DACH1: variants seen among roughly 807,000 people sequenced by gnomAD.
DACH1 encodes the protein dachshund homolog 1.
Under a neutral mutation model 54.2 loss-of-function variants are expected in DACH1, and 12 were observed. That is an observed-to-expected ratio of 0.22 (90% confidence interval 0.14 to 0.36). The LOEUF (loss-of-function observed/expected upper bound fraction) is 0.36, where lower values mean the gene tolerates loss of function less well. DACH1 is among the 10% of genes least tolerant of loss of function. The probability of loss-of-function intolerance (pLI) is 1.00; values close to 1 mark genes in which losing one functional copy is unlikely to be tolerated. For missense variants in DACH1, 805 were observed against 929.8 expected, an observed-to-expected ratio of 0.87 and a Z score of 1.75; for synonymous variants, 386 against 366.2, an observed-to-expected ratio of 1.05 and a Z score of -0.62.
At chr13:71,856,382 A>AGCAGACAT (rs1428349297) in intron 1 of DACH1, among the ~76,000 whole-genome samples, 4 of 151,982 alleles carry the variant, frequency 2.6e-5, no homozygotes, top group African/African-American at 9.7e-5. Flanking sequence ...ATCAGTGAAC[A>AGCAGACAT]GCAGACATAT....
chr13:71,473,750 C>T (rs759782991), intron 10 of DACH1, among the ~76,000 whole-genome samples: 4 of 152,084 alleles, frequency 2.6e-5, no homozygotes, highest in Non-Finnish European at 5.9e-5. Context: ...ATTTATATGT[C>T]ACACTTATCT....
intron 1 of DACH1, among the ~76,000 whole-genome samples, chr13:71,812,958 T>G (rs1887775185): frequency 6.6e-6 from 1 of 152,182 alleles, no homozygotes. Flanking sequence ...TTGCAAGATG[T>G]GAAAAGTCAT....
chr13:71,707,053 A>G (rs909539219), intron 1 of DACH1, among the ~76,000 whole-genome samples: 6 of 152,196 alleles, frequency 3.9e-5, no homozygotes, highest in Non-Finnish European at 7.3e-5. Context: ...AATTTAATAC[A>G]TTTAGTGAGT....
At chr13:71,612,188 C>T (rs1363697709) in intron 3 of DACH1, among the ~76,000 whole-genome samples, 1 of 152,018 alleles carries the variant, frequency 6.6e-6, no homozygotes, top group Non-Finnish European at 1.5e-5. Flanking sequence ...AATCTCAACG[C>T]TGTATATATA....
intron 6 of DACH1, among the ~76,000 whole-genome samples, chr13:71,524,405 A>C (rs111287089): frequency 0.013 from 1,945 of 152,274 alleles, 47 homozygotes; most frequent in African/African-American, 0.043. Flanking sequence ...AGAATGATTC[A>C]ATATATCAAC....
At chr13:71,636,552 T>A (rs908368030) in intron 2 of DACH1, among the ~76,000 whole-genome samples, 44 of 112,070 alleles carry the variant, frequency 3.9e-4, no homozygotes, top group Non-Finnish European at 3.6e-4. Flanking sequence ...AAAGTAAAAA[T>A]AATAATAATA....
At chr13:71,705,665 T>C (rs1393359448) in intron 1 of DACH1, among the ~76,000 whole-genome samples, 1 of 152,120 alleles carries the variant, frequency 6.6e-6, no homozygotes, top group Non-Finnish European at 1.5e-5. Flanking sequence ...AATCCTTCCA[T>C]AGCAAAAACT....
intron 1 of DACH1, among the ~76,000 whole-genome samples, chr13:71,731,081 A>C (rs1446794642): frequency 6.6e-6 from 1 of 152,110 alleles, no homozygotes; most frequent in African/African-American, 2.4e-5. Flanking sequence ...CTTTTGCAAT[A>C]ATCTGAAGTG....
At chr13:71,511,165 A>G (rs1423324227) in intron 6 of DACH1, among the ~76,000 whole-genome samples, 1 of 152,170 alleles carries the variant, frequency 6.6e-6, no homozygotes, top group East Asian at 1.9e-4. Flanking sequence ...TATTTTACAG[A>G]GTAGACACAT....
At chr13:71,819,213 CAGGA>C (rs1273929072) in intron 1 of DACH1, among the ~76,000 whole-genome samples, 1 of 152,154 alleles carries the variant, frequency 6.6e-6, no homozygotes, top group Admixed American at 6.5e-5. Flanking sequence ...ATTAAGGCAG[CAGGA>C]AGGAAGGAAG....
chr13:71,743,259 A>G (rs2137953553), intron 1 of DACH1, among the ~76,000 whole-genome samples: 1 of 152,288 alleles, frequency 6.6e-6, no homozygotes, highest in Admixed American at 6.5e-5. Context: ...CCCAAAGCAG[A>G]ACACACTCTA....
chr13:71,624,343 T>C (rs539671916), intron 3 of DACH1, among the ~76,000 whole-genome samples: 29 of 151,970 alleles, frequency 1.9e-4, no homozygotes, highest in Non-Finnish European at 3.4e-4. Flanking sequence ...AAAAGATTTA[T>C]ATTTGAACAT....
At chr13:71,865,142 G>A (rs1478393822) in intron 1 of DACH1, among the ~76,000 whole-genome samples, 3 of 152,132 alleles carry the variant, frequency 2.0e-5, no homozygotes, top group East Asian at 3.9e-4. Flanking sequence ...TCTGCCCCGG[G>A]GCCACCGTAC....
chr13:71,689,315 A>G (rs1011902302), intron 1 of DACH1, among the ~76,000 whole-genome samples: 11 of 152,128 alleles, frequency 7.2e-5, no homozygotes, highest in African/African-American at 2.7e-4. Context: ...ACCATTATCT[A>G]TTAATATTAC....
intron 10 of DACH1, among the ~76,000 whole-genome samples, chr13:71,442,840 G>A (rs765271170): frequency 6.6e-6 from 1 of 151,862 alleles, no homozygotes; most frequent in Non-Finnish European, 1.5e-5. Flanking sequence ...TATAAGTTAT[G>A]TAAATGTAGC....
At chr13:71,569,695 CT>C (rs1285621511) in intron 4 of DACH1, among the ~76,000 whole-genome samples, 1 of 152,100 alleles carries the variant, frequency 6.6e-6, no homozygotes, top group Non-Finnish European at 1.5e-5. Flanking sequence ...ACTCTGAAAG[CT>C]GTATTTTTGC....
rs138995907 is a variant in DACH1, at chr13:71,561,574, G to A, written c.1300-1619C>T. Among the ~76,000 whole-genome samples the A allele has an allele frequency of 2.5e-3, 374 of 152,182 alleles. 3 individuals are homozygous for A. Among genetic ancestry groups the A allele is most frequent in the East Asian group, 0.012 (61 of 5,150 alleles). On this transcript the variant is annotated intron_variant, in intron 4 of 10. Coordinates refer to ENST00000613252, the MANE Select transcript of DACH1 (RefSeq NM_080759.6). The stretch of plus-strand genomic sequence containing the variant: ...TACCTAGTATCTCAAAGGGAGCATG[G>A]TCCTCATGAACTCCTGATTTTGAAC...
At chr13:71,458,437 GCATTTCAGAAGTA>G (rs2138133381) in intron 10 of DACH1, among the ~76,000 whole-genome samples, 1 of 151,996 alleles carries the variant, frequency 6.6e-6, no homozygotes, top group South Asian at 2.1e-4. Flanking sequence ...CAATTTATAT[GCATTTCAGAAGTA>G]CTGGGTTAAA....
intron 1 of DACH1, among the ~76,000 whole-genome samples, chr13:71,856,836 T>G (rs1419348824): frequency 6.6e-6 from 1 of 151,968 alleles, no homozygotes; most frequent in Admixed American, 6.6e-5. Context: ...TATAGTCCAC[T>G]GCAAGAAGTG....
Sources: gnomAD v4.1 joint callset for allele counts (sites outside exome capture counted in the v4.1 genomes callset) on GRCh38, gnomAD v4.1.1 for gene constraint, MANE v1.5 for transcripts, NCBI Gene and HGNC (gene_info 2026-07-23, HGNC 2026-07-21) for gene names.